Variants in PAX7 observed in about 807,000 individuals in gnomAD.
PAX7 encodes paired box protein Pax-7.
A neutral mutation model predicts 50.7 loss-of-function variants in PAX7; 18 were observed. The observed-to-expected ratio is 0.36, with a 90% CI of 0.25 to 0.53. The LOEUF is 0.53. Ranked by LOEUF, PAX7 falls within the 20% of genes least tolerant of loss-of-function variation. The pLI, the probability that PAX7 is intolerant of heterozygous loss-of-function variation, is 0.93. For synonymous variants in PAX7, 310 were observed against 290.4 expected (o/e 1.07, Z -0.69); for missense variants, 644 against 702.9 (o/e 0.92, Z 0.95).
intron 4 of PAX7, among the ~76,000 whole-genome samples, chr1:18,664,510 A>G (rs742069): frequency 0.6 from 90,337 of 151,672 alleles, 27,998 homozygotes; most frequent in African/African-American, 0.76. Flanking sequence ...CTGTCACAGC[A>G]CTCTCATTTG....
At chr1:18,704,300 C>T (rs1570198109) in intron 7 of PAX7, among the ~76,000 whole-genome samples, 1 of 152,118 alleles carries the variant, frequency 6.6e-6, no homozygotes, top group East Asian at 1.9e-4. Flanking sequence ...TTTTTTGCCA[C>T]CACAGCAGAA....
At chr1:18,719,904 G>A (rs936676866) in intron 7 of PAX7, among the ~76,000 whole-genome samples, 2 of 152,208 alleles carry the variant, frequency 1.3e-5, no homozygotes, top group Non-Finnish European at 1.5e-5. Context: ...TGGTTTGGCA[G>A]TTGGCAAAGG....
chr1:18,708,725 G>A (rs904958909), intron 7 of PAX7, among the ~76,000 whole-genome samples: 2 of 152,052 alleles, frequency 1.3e-5, no homozygotes, highest in Non-Finnish European at 2.9e-5. Context: ...CAGGCAGAAA[G>A]GAGAACACAA....
At chr1:18,712,703 A>G (rs2089369444) in intron 7 of PAX7, among the ~76,000 whole-genome samples, 1 of 152,094 alleles carries the variant, frequency 6.6e-6, no homozygotes, top group African/African-American at 2.4e-5. Context: ...TTTCTTAGAG[A>G]ACTGGGTAGA....
At chr1:18,657,816 C>T (rs531494681) in intron 4 of PAX7, among the ~76,000 whole-genome samples, 4 of 152,242 alleles carry the variant, frequency 2.6e-5, no homozygotes, top group South Asian at 2.1e-4. Context: ...AAAAAAAAGA[C>T]GCCAGCCTTC....
chr1:18,703,007 G>C (rs940331962), intron 6 of PAX7, 87 bp from the exon 7 acceptor site: 1 of 1,181,168 alleles, frequency 8.5e-7, no homozygotes, highest in Non-Finnish European at 1.2e-6. Flanking sequence ...CCGGGAGGAG[G>C]AGTCTCTTGG....
intron 4 of PAX7, among the ~76,000 whole-genome samples, chr1:18,675,246 C>T (rs1260465326): frequency 2.6e-5 from 4 of 152,134 alleles, no homozygotes; most frequent in Non-Finnish European, 5.9e-5. Context: ...ACCTGACACA[C>T]GCCCACCATG....
At chr1:18,692,049 G>A (rs2100297035) in intron 5 of PAX7, 96 bp downstream of exon 5, 2 of 1,194,856 alleles carry the variant, frequency 1.7e-6, no homozygotes, top group Non-Finnish European at 2.4e-6. Context: ...GGACCCCTCG[G>A]GGGGTTTACA....
intron 4 of PAX7, among the ~76,000 whole-genome samples, chr1:18,639,218 C>T (rs2088209076): frequency 6.6e-6 from 1 of 152,134 alleles, no homozygotes; most frequent in African/African-American, 2.4e-5. Flanking sequence ...GTAATAGCTT[C>T]CAGGCATGGT....
chr1:18,716,587 C>T (rs2089424691), intron 7 of PAX7, among the ~76,000 whole-genome samples: 1 of 151,770 alleles, frequency 6.6e-6, no homozygotes, highest in Non-Finnish European at 1.5e-5. Context: ...GCCCCATTTC[C>T]CTTCGCCCCC....
rs1371932496 is a variant in PAX7 at position 18,726,005 on chromosome 1, CGTGCGCGCGTGTGTGT to C, written c.1156-9625_1156-9610del. On this transcript the variant is annotated intron_variant, in intron 7 of 8. Coordinates refer to ENST00000420770, the MANE Select transcript of PAX7 (RefSeq NM_001135254.2). The surrounding 1 kb of genome is among the most constrained non-coding windows in gnomAD (Gnocchi z 4.8). ...GTGTGTGTGTGTGTGCGCGCGCGCG[CGTGCGCGCGTGTGTGT>C]GCGTGTGTTTGTGTGTGTGTGTGTC... Among the ~76,000 whole-genome samples the C allele has an allele frequency of 7.0e-6, 1 of 143,542 alleles. No homozygotes were observed. The highest frequency in any genetic ancestry group is 1.5e-5 in the Non-Finnish European group (1 of 65,778). 94.2% of individuals were successfully genotyped at this position (143,542 alleles called of 152,430 possible). A position where few individuals can be genotyped will look rare whatever the true frequency, so the allele number is the denominator to read the frequency against.
At chr1:18,730,001 C>T (rs1232770060) in intron 7 of PAX7, among the ~76,000 whole-genome samples, 3 of 152,118 alleles carry the variant, frequency 2.0e-5, no homozygotes, top group African/African-American at 7.2e-5. Flanking sequence ...TGCTCATTTC[C>T]ATCTCAGGCA....
In PAX7 at chr1:18,738,429, G is replaced by A. The variant is rs1447602764; in HGVS notation, c.1402+2551G>A. On this transcript the variant is annotated intron_variant, in intron 8 of 8. Transcript: ENST00000420770. ...GGAAATAAAATTAACCCCAAAGTCA[G>A]CATGGGGGCAGCAGGGGAGGGGATC... Among the ~76,000 whole-genome samples the A allele has an allele frequency of 2.0e-5, 3 of 152,300 alleles. No individual in the cohort carries two copies. The East Asian group carries it at 5.8e-4, about 29-fold the overall frequency.
rs996108294 is a variant in PAX7, at chr1:18,632,580, C to A, written c.85+892C>A. Among the ~76,000 whole-genome samples the A allele has an allele frequency of 6.6e-6, 1 of 152,072 alleles. No individual in the cohort carries two copies. The highest frequency in any genetic ancestry group is 2.4e-5 in the African/African-American group (1 of 41,404). ...AGGCCTCAACCTGTCACTGAGGGAT[C>A]ATTTGGCTTCTGAGGGTAGGTAGCC... is the stretch of plus-strand genomic sequence containing the variant. On this transcript the variant is annotated intron_variant, in intron 1 of 8. Coordinates refer to ENST00000420770, the MANE Select transcript of PAX7 (RefSeq NM_001135254.2). This position sits in a 1 kb window ranked among gnomAD's most constrained non-coding sequence, Gnocchi z 6.3.
At chr1:18,727,290 A>G (rs2089584519) in intron 7 of PAX7, among the ~76,000 whole-genome samples, 1 of 137,252 alleles carries the variant, frequency 7.3e-6, no homozygotes, top group Non-Finnish European at 1.6e-5. Context: ...CACAAGTTGC[A>G]TGAACACACA....
At chr1:18,698,632 C>G (rs920419710) in intron 5 of PAX7, among the ~76,000 whole-genome samples, 2 of 152,236 alleles carry the variant, frequency 1.3e-5, no homozygotes, top group Non-Finnish European at 1.5e-5. Context: ...AGCCTGGAAG[C>G]TCGGAGGCAA....
chr1:18,643,364 G>C (rs2100440053), intron 4 of PAX7, among the ~76,000 whole-genome samples: 1 of 152,370 alleles, frequency 6.6e-6, no homozygotes, highest in Non-Finnish European at 1.5e-5. Context: ...ACCAAGGGAG[G>C]GGTGGGGAGA....
At chr1:18,727,257 C>A (rs1202666731) in intron 7 of PAX7, among the ~76,000 whole-genome samples, 1 of 142,044 alleles carries the variant, frequency 7.0e-6, no homozygotes. Flanking sequence ...GCATACAACA[C>A]ACACACACAG....
intron 4 of PAX7, among the ~76,000 whole-genome samples, chr1:18,682,808 G>C (rs1414066508): frequency 6.6e-6 from 1 of 152,192 alleles, no homozygotes; most frequent in Non-Finnish European, 1.5e-5. Context: ...GCCGGGCTGT[G>C]GGGGCGGGGT....
Sources: gnomAD v4.1 joint callset for allele counts (sites outside exome capture counted in the v4.1 genomes callset) on GRCh38, gnomAD v4.1.1 for gene constraint, Gnocchi (gnomAD v3.1) non-coding constraint, MANE v1.5 for transcripts, NCBI Gene and HGNC (gene_info 2026-07-23, HGNC 2026-07-21) for gene names.